Variants in LRRK2 observed in about 807,000 individuals in gnomAD.
LRRK2 encodes the protein leucine-rich repeat serine/threonine-protein kinase 2.
In LRRK2, 203 loss-of-function variants were observed where a neutral mutation model predicts 302.6. The ratio of observed to expected loss-of-function variants is 0.67; its 90% CI spans 0.60 to 0.75. LRRK2 has a LOEUF of 0.75. Ranked by LOEUF, LRRK2 falls within the 30% of genes least tolerant of loss-of-function variation. LRRK2 has a pLI of 0.00. For missense variants in LRRK2, 2,830 were observed against 2,951.0 expected, an observed-to-expected ratio of 0.96 and a Z score of 0.95; for synonymous variants, 1,066 against 1,031.9, an observed-to-expected ratio of 1.03 and a Z score of -0.63.
In LRRK2 at chr12:40,304,105, C is replaced by G; in HGVS notation, c.3748C>G (p.Leu1250Val). 1 of 1,613,168 alleles carries G rather than the reference C, an allele frequency of 6.2e-7. No individual in the cohort carries two copies. ...KAYLWSRVEK[L>V]HLSHNKLKEI... Reference sequence around the variant, plus strand: ...ATATTTATGGTCTAGAGTAGAGAAACTGCATCTTTCTCACAATAAACTGAA... The same window carrying G: ...ATATTTATGGTCTAGAGTAGAGAAAGTGCATCTTTCTCACAATAAACTGAA... Residue 1250 changes from leucine (L) to valine (V), a missense_variant, in exon 27 of 51, where the codon CTG becomes GTG. Leu to Val is a conservative substitution (Grantham distance 32). Transcript: ENST00000298910.
intron 46 of LRRK2, among the ~76,000 whole-genome samples, chr12:40,358,124 G>A (rs901326059): frequency 4.0e-5 from 6 of 150,966 alleles, no homozygotes; most frequent in Non-Finnish European, 8.8e-5. Context: ...TTGCTTTTTC[G>A]AGTTTCTTGT....
intron 38 of LRRK2, among the ~76,000 whole-genome samples, chr12:40,325,191 G>C (rs1052538331): frequency 2.0e-5 from 3 of 152,174 alleles, no homozygotes; most frequent in African/African-American, 7.2e-5. Context: ...GGGAGGCTGA[G>C]GCAGAGAATT....
chr12:40,325,950 T>G (rs779215384), intron 38 of LRRK2, among the ~76,000 whole-genome samples: 12 of 152,240 alleles, frequency 7.9e-5, no homozygotes, highest in Non-Finnish European at 1.8e-4. Flanking sequence ...GTGGAGCTAT[T>G]TATTTTTCTG....
chr12:40,316,789 G>A (rs947829010), intron 33 of LRRK2, among the ~76,000 whole-genome samples: 5 of 152,038 alleles, frequency 3.3e-5, no homozygotes, highest in African/African-American at 4.8e-5. Flanking sequence ...AGTGTGTCAT[G>A]TATGGGGACA....
At chr12:40,295,363 C>A (rs1038489566) in intron 22 of LRRK2, 64 bp from the exon 23 acceptor site, 35 of 1,511,536 alleles carry the variant, frequency 2.3e-5, no homozygotes, top group Admixed American at 3.4e-5. Context: ...GCTCACTAAA[C>A]TTTTACTACA....
intron 20 of LRRK2, among the ~76,000 whole-genome samples, chr12:40,293,167 T>A (rs976102274): frequency 6.6e-6 from 1 of 152,062 alleles, no homozygotes; most frequent in African/African-American, 2.4e-5. Flanking sequence ...ATACAAACTT[T>A]CTGCACACAC....
rs1946363255 is a variant in LRRK2, at chr12:40,351,845, T to C, written c.6576+112T>C. 5.4e-6 allele frequency: 6 copies of C among 1,110,140 alleles called. No individual in the cohort carries two copies. In the Admixed American group the frequency reaches 8.3e-5, roughly 15 times the overall value. 68.8% of individuals were successfully genotyped at this position (1,110,140 alleles called of 1,614,324 possible). The stretch of plus-strand genomic sequence containing the variant: ...ATGTAGGATTATTATTCAATTAGCC[T>C]TCTGTTAGAACAAGAGTATTCAAGA... On this transcript the variant is annotated intron_variant, in intron 44 of 50. Transcript: ENST00000298910.
chr12:40,236,486 A>G (rs1451312070), intron 4 of LRRK2, among the ~76,000 whole-genome samples: 1 of 152,182 alleles, frequency 6.6e-6, no homozygotes, highest in Non-Finnish European at 1.5e-5. Context: ...AGTTGTGGGC[A>G]TTGCTGTGCT....
intron 7 of LRRK2, 77 bp downstream of exon 7, chr12:40,243,758 TA>T: frequency 7.4e-7 from 1 of 1,348,542 alleles, no homozygotes; most frequent in Non-Finnish European, 1.1e-6. Flanking sequence ...TGTTGCATAA[TA>T]ATGGATAAGT....
At chr12:40,289,791 G>A (rs1944072196) in intron 20 of LRRK2, among the ~76,000 whole-genome samples, 1 of 151,788 alleles carries the variant, frequency 6.6e-6, no homozygotes, top group Admixed American at 6.6e-5. Context: ...TTTGTATCCT[G>A]TAAACTTACT....
chr12:40,318,631 C>A lies in LRRK2; in HGVS notation c.4828-1357C>A, dbSNP rs913928355. ...TGACTCCAGGGCCTATGAGTTTATACATTCATAGGGCTGATATTCAAATGA... is the reference window on the plus strand; with the variant it reads ...TGACTCCAGGGCCTATGAGTTTATAAATTCATAGGGCTGATATTCAAATGA... On this transcript the variant is annotated intron_variant, in intron 33 of 50. Coordinates refer to ENST00000298910, the MANE Select transcript of LRRK2 (RefSeq NM_198578.4). Among the ~76,000 whole-genome samples the A allele has an allele frequency of 2.6e-5, 4 of 151,956 alleles. No homozygotes were observed. The East Asian group carries it at 7.7e-4, about 29-fold the overall frequency.
intron 5 of LRRK2, 136 bp from the exon 6 acceptor site, chr12:40,240,347 A>G: frequency 1.2e-6 from 1 of 802,142 alleles, no homozygotes; most frequent in South Asian, 1.7e-5. Context: ...GGGCTGCTTC[A>G]CAGAAATATA....
chr12:40,249,333 T>A (rs1942152004), intron 7 of LRRK2, among the ~76,000 whole-genome samples: 1 of 151,006 alleles, frequency 6.6e-6, no homozygotes, highest in Non-Finnish European at 1.5e-5. Context: ...TTTTTTTTTT[T>A]CTGAGATCAT....
intron 26 of LRRK2, among the ~76,000 whole-genome samples, chr12:40,303,625 A>G (rs1237438697): frequency 1.3e-5 from 2 of 152,086 alleles, no homozygotes; most frequent in African/African-American, 2.4e-5. Flanking sequence ...TATAATAGCT[A>G]AATTACGTCT....
Position 40,304,371 on chromosome 12 carries a change from T to A in LRRK2, c.3777+237T>A, listed in dbSNP as rs1022213169. 8.7e-6 allele frequency: 5 copies of A among 577,418 alleles called. No individual in the cohort carries two copies. In the Admixed American group the frequency reaches 1.7e-4, roughly 19 times the overall value. The allele number at this position is 577,418 out of a possible 1,614,324, so 35.8% of individuals were successfully genotyped here. On this transcript the variant is annotated intron_variant, in intron 27 of 50. Transcript: ENST00000298910. Reference sequence around the variant, plus strand: ...TTCTCACACCGACAATTTAAAAAAATCTACTTTTAAAAATAAGGTAGTAGC... The same window carrying A: ...TTCTCACACCGACAATTTAAAAAAAACTACTTTTAAAAATAAGGTAGTAGC...
Position 40,278,076 on chromosome 12 carries a change from T to C in LRRK2, c.2071-15T>C. On this transcript the variant is annotated splice_polypyrimidine_tract_variant and intron_variant, in intron 17 of 50. Transcript: ENST00000298910. The stretch of plus-strand genomic sequence containing the variant: ...GTATTTATCTGACTCTAATTCTCAT[T>C]TCCACTCTTTTTAGTTTCTAAACCT... 6.2e-7 allele frequency: 1 copy of C among 1,613,980 alleles called. No individual in the cohort carries two copies. Among genetic ancestry groups the C allele is most frequent in the African/African-American group, 1.3e-5 (1 of 75,040 alleles).
chr12:40,307,759 G>C (rs1211107280), intron 28 of LRRK2, among the ~76,000 whole-genome samples: 5 of 147,564 alleles, frequency 3.4e-5, no homozygotes, highest in African/African-American at 5.0e-5. Flanking sequence ...TAATTTATAG[G>C]GTTTTTCTTT....
intron 20 of LRRK2, among the ~76,000 whole-genome samples, chr12:40,292,814 GA>G (rs1426244860): frequency 2.0e-5 from 3 of 151,726 alleles, no homozygotes; most frequent in Non-Finnish European, 4.4e-5. Flanking sequence ...TCTTTAATAT[GA>G]TTTTTTTATT....
intron 27 of LRRK2, 70 bp from the exon 28 acceptor site, chr12:40,305,715 A>G: frequency 3.0e-6 from 4 of 1,348,228 alleles, no homozygotes; most frequent in Non-Finnish European, 3.2e-6. Context: ...CTTGTTTCTT[A>G]TCACGTTTTT....
Sources: gnomAD v4.1 joint callset for allele counts (sites outside exome capture counted in the v4.1 genomes callset) on GRCh38, gnomAD v4.1.1 for gene constraint, MANE v1.5 for transcripts, NCBI Gene and HGNC (gene_info 2026-07-23, HGNC 2026-07-21) for gene names.